The following CAMKMT variants were observed in gnomAD, a reference collection of about 807,000 sequenced individuals.
The protein encoded by CAMKMT is calmodulin-lysine N-methyltransferase, also known as CaM KMT.
In CAMKMT, 53 loss-of-function variants were observed where a neutral mutation model predicts 48.0. That is an observed-to-expected ratio of 1.10 (90% CI 0.89 to 1.39). The LOEUF is 1.39. CAMKMT is among the 40% of genes most tolerant of loss of function. The pLI is 0.00. For synonymous variants in CAMKMT, 165 were observed against 152.3 expected (o/e 1.08, Z -0.61); for missense variants, 428 against 402.7 (o/e 1.06, Z -0.54).
intron 3 of CAMKMT, among the ~76,000 whole-genome samples, chr2:44,479,669 C>G (rs1353862005): frequency 6.6e-6 from 1 of 152,000 alleles, no homozygotes; most frequent in Non-Finnish European, 1.5e-5. Context: ...AACAATGGCT[C>G]GATTTGTGGG....
At chr2:44,518,986 T>G (rs1327187444) in intron 3 of CAMKMT, among the ~76,000 whole-genome samples, 1 of 152,244 alleles carries the variant, frequency 6.6e-6, no homozygotes, top group Non-Finnish European at 1.5e-5. Flanking sequence ...GGTTCTTATT[T>G]TATAATGGTG....
chr2:44,467,914 A>G (rs980540743), intron 3 of CAMKMT, among the ~76,000 whole-genome samples: 1 of 152,210 alleles, frequency 6.6e-6, no homozygotes, highest in African/African-American at 2.4e-5. Flanking sequence ...AGAAGAAAGT[A>G]TGGGAGAAAT....
intron 3 of CAMKMT, among the ~76,000 whole-genome samples, chr2:44,402,468 C>T (rs552175759): frequency 2.2e-4 from 34 of 151,272 alleles, no homozygotes; most frequent in African/African-American, 8.0e-4. Flanking sequence ...CTTGTTAATT[C>T]TCTGTTGATT....
chr2:44,458,780 A>G (rs182519429), intron 3 of CAMKMT, among the ~76,000 whole-genome samples: 5 of 152,328 alleles, frequency 3.3e-5, no homozygotes, highest in African/African-American at 4.8e-5. Context: ...GAATACTCCT[A>G]TAGCAATACT....
At chr2:44,656,959 T>C (rs1380696032) in intron 3 of CAMKMT, among the ~76,000 whole-genome samples, 10 of 152,222 alleles carry the variant, frequency 6.6e-5, no homozygotes, top group Admixed American at 3.3e-4. Flanking sequence ...ACAAGTGCTC[T>C]CAAGAAGCAC....
At chr2:44,374,779 G>A (rs1376694278) in intron 2 of CAMKMT, among the ~76,000 whole-genome samples, 2 of 151,828 alleles carry the variant, frequency 1.3e-5, no homozygotes, top group Admixed American at 6.6e-5. Flanking sequence ...CATTGAGTTG[G>A]AAAAAAGACA....
intron 7 of CAMKMT, among the ~76,000 whole-genome samples, chr2:44,728,949 A>G (rs1227596316): frequency 6.8e-6 from 1 of 147,782 alleles, no homozygotes; most frequent in East Asian, 2.0e-4. Flanking sequence ...TTGCCTGATA[A>G]TAGTTAAGGC....
rs1341093617 is a variant in CAMKMT at position 44,772,025 on chromosome 2, A to G, written c.895-11A>G. ...GTCCCCTTACCTTTTTCTTTCTATT[A>G]TTGTTTTCAGTTGAAAAAGGAAAAC... On this transcript the variant is annotated splice_polypyrimidine_tract_variant and intron_variant, in intron 10 of 10. Coordinates refer to ENST00000378494, the MANE Select transcript of CAMKMT (RefSeq NM_024766.5). 1 of 1,599,494 alleles carries G rather than the reference A, an allele frequency of 6.3e-7. No individual in the cohort carries two copies. Among genetic ancestry groups the G allele is most frequent in the African/African-American group, 1.3e-5 (1 of 74,396 alleles).
chr2:44,369,976 C>G (rs1243429976), intron 1 of CAMKMT: 1 of 152,164 alleles, frequency 6.6e-6, no homozygotes, highest in Non-Finnish European at 1.5e-5. Flanking sequence ...GGAAATACAG[C>G]TTCTAGCTTT....
chr2:44,447,087 C>T (rs565762958), intron 3 of CAMKMT, among the ~76,000 whole-genome samples: 2 of 152,166 alleles, frequency 1.3e-5, no homozygotes, highest in South Asian at 4.1e-4. Context: ...TTTAATTTAT[C>T]TTTGTTTAAA....
chr2:44,660,649 C>T (rs201309021), intron 3 of CAMKMT, among the ~76,000 whole-genome samples: 8 of 152,304 alleles, frequency 5.3e-5, no homozygotes, highest in East Asian at 1.9e-4. Context: ...CAGGGTCTCA[C>T]GCTGATGCCT....
At chr2:44,731,222 T>C (rs1334774872) in intron 7 of CAMKMT, among the ~76,000 whole-genome samples, 1 of 152,118 alleles carries the variant, frequency 6.6e-6, no homozygotes. Flanking sequence ...ATGCCTGTAA[T>C]TTCAGCTACT....
At chr2:44,395,830 G>A (rs1358692488) in intron 3 of CAMKMT, among the ~76,000 whole-genome samples, 2 of 151,994 alleles carry the variant, frequency 1.3e-5, no homozygotes, top group South Asian at 2.1e-4. Flanking sequence ...AGATATTTTT[G>A]GTATGTGCCA....
At chr2:44,762,197 A>G (rs1182657977) in intron 9 of CAMKMT, among the ~76,000 whole-genome samples, 1 of 152,202 alleles carries the variant, frequency 6.6e-6, no homozygotes, top group African/African-American at 2.4e-5. Context: ...AAACCAGGTA[A>G]AGAAAATAGG....
At position 44,449,177 on chromosome 2, in the gene CAMKMT, G is replaced by A. The variant is rs186936612; in HGVS notation, c.376+58872G>A. 2.6e-3 allele frequency among the ~76,000 whole-genome samples: 392 copies of A among 152,194 alleles called. 1 individual carries two copies. The highest frequency in any genetic ancestry group is 7.9e-3 in the African/African-American group (328 of 41,546). The stretch of plus-strand genomic sequence containing the variant: ...GACAAAACAAAACTTCAATCAGATC[G>A]TTTTCCAAGAAGCAGGCTAGAAATG... On this transcript the variant is annotated intron_variant, in intron 3 of 10. Transcript: ENST00000378494.
intron 3 of CAMKMT, among the ~76,000 whole-genome samples, chr2:44,473,627 AT>A (rs2104657786): frequency 6.6e-6 from 1 of 152,318 alleles, no homozygotes; most frequent in African/African-American, 2.4e-5. Flanking sequence ...TCTGTGTGGA[AT>A]TTTTTAGTAG....
intron 3 of CAMKMT, among the ~76,000 whole-genome samples, chr2:44,508,987 T>A (rs1198833610): frequency 3.3e-5 from 5 of 151,694 alleles, no homozygotes; most frequent in Non-Finnish European, 7.4e-5. Context: ...TCCCAGCTAC[T>A]CGGGAGGCTG....
intron 3 of CAMKMT, among the ~76,000 whole-genome samples, chr2:44,420,581 T>A (rs74262117): frequency 0.055 from 8,388 of 151,844 alleles, 283 homozygotes; most frequent in South Asian, 0.14. Context: ...ATATATATAT[T>A]TTTTTCTCTT....
chr2:44,650,607 T>G (rs1241604082), intron 3 of CAMKMT, among the ~76,000 whole-genome samples: 2 of 152,188 alleles, frequency 1.3e-5, no homozygotes, highest in African/African-American at 2.4e-5. Flanking sequence ...ACTACAAAAT[T>G]GTGGCAATAT....
Sources: allele counts gnomAD v4.1 joint callset (sites outside exome capture counted in the v4.1 genomes callset), GRCh38; gene constraint gnomAD v4.1.1; transcripts MANE v1.5; gene names NCBI Gene and HGNC (gene_info 2026-07-23, HGNC 2026-07-21).